Variants in CTNND2 observed in about 807,000 individuals in gnomAD.
The protein encoded by CTNND2 is catenin delta 2.
CTNND2 carries 22 observed loss-of-function variants against 144.4 expected under a neutral mutation model. The ratio of observed to expected loss-of-function variants is 0.15; its 90% CI spans 0.11 to 0.22. The LOEUF (loss-of-function observed/expected upper bound fraction) is 0.22. CTNND2 is among the 10% of genes least tolerant of loss of function. CTNND2 has a pLI of 1.00. For missense variants in CTNND2, 1,353 were observed against 1,618.8 expected, an observed-to-expected ratio of 0.84 and a Z score of 2.82; for synonymous variants, 751 against 695.6, an observed-to-expected ratio of 1.08 and a Z score of -1.25.
chr5:11,642,632 A>G (rs1214695366), intron 2 of CTNND2, among the ~76,000 whole-genome samples: 2 of 152,202 alleles, frequency 1.3e-5, no homozygotes, highest in Non-Finnish European at 2.9e-5. Flanking sequence ...GAAGCCCTCA[A>G]AGGAAGAAGC....
chr5:11,180,372 C>T (rs1760884480), intron 11 of CTNND2, among the ~76,000 whole-genome samples: 1 of 152,144 alleles, frequency 6.6e-6, no homozygotes, highest in African/African-American at 2.4e-5. Context: ...TTCTTTATAG[C>T]AGTGTGAAAA....
chr5:11,507,791 A>G (rs1439384839), intron 3 of CTNND2, among the ~76,000 whole-genome samples: 1 of 152,196 alleles, frequency 6.6e-6, no homozygotes, highest in Non-Finnish European at 1.5e-5. Context: ...TCACAGCACG[A>G]GCAGCCACAG....
At chr5:11,398,859 G>A (rs1466200995) in intron 5 of CTNND2, among the ~76,000 whole-genome samples, 3 of 152,096 alleles carry the variant, frequency 2.0e-5, no homozygotes, top group East Asian at 1.9e-4. Context: ...TGCCAGGAAC[G>A]TATTGTCCCT....
intron 9 of CTNND2, among the ~76,000 whole-genome samples, chr5:11,344,292 T>C (rs1014601917): frequency 1.3e-5 from 2 of 151,714 alleles, no homozygotes; most frequent in Non-Finnish European, 2.9e-5. Flanking sequence ...CTCGGGAGGC[T>C]GAGGCAGGAG....
chr5:11,142,247 A>G (rs1450352354), intron 12 of CTNND2, among the ~76,000 whole-genome samples: 2 of 152,258 alleles, frequency 1.3e-5, no homozygotes, highest in Non-Finnish European at 2.9e-5. Flanking sequence ...TGATGCCAAT[A>G]CTAATGTACT....
At chr5:11,099,775 G>C (rs1751698124) in intron 14 of CTNND2, among the ~76,000 whole-genome samples, 1 of 151,988 alleles carries the variant, frequency 6.6e-6, no homozygotes, top group East Asian at 1.9e-4. Context: ...AATAAAGTTA[G>C]AAATGAAAGA....
intron 16 of CTNND2, among the ~76,000 whole-genome samples, chr5:11,072,527 C>G (rs763055786): frequency 6.6e-6 from 1 of 152,178 alleles, no homozygotes; most frequent in East Asian, 1.9e-4. Flanking sequence ...TATATTGTTA[C>G]GAACTTTCTG....
intron 1 of CTNND2, among the ~76,000 whole-genome samples, chr5:11,799,645 C>T (rs1425461875): frequency 6.6e-6 from 1 of 152,106 alleles, no homozygotes; most frequent in Non-Finnish European, 1.5e-5. Context: ...AAATATCCCC[C>T]CCTTGCTCTG....
chr5:11,351,040 C>G (rs1219685780), intron 8 of CTNND2, among the ~76,000 whole-genome samples: 1 of 152,170 alleles, frequency 6.6e-6, no homozygotes, highest in Non-Finnish European at 1.5e-5. Context: ...CTGGCCCCAA[C>G]TATTTAGACA....
At chr5:11,841,064 T>G (rs1581984833) in intron 1 of CTNND2, among the ~76,000 whole-genome samples, 3 of 152,328 alleles carry the variant, frequency 2.0e-5, no homozygotes, top group African/African-American at 2.4e-5. Flanking sequence ...CTATTTTAGA[T>G]CTGAGACAAC....
At chr5:11,862,784 C>T (rs1317238635) in intron 1 of CTNND2, among the ~76,000 whole-genome samples, 1 of 152,170 alleles carries the variant, frequency 6.6e-6, no homozygotes, top group Admixed American at 6.5e-5. Flanking sequence ...CTGTTTTCAG[C>T]CTCCTGAGAG....
chr5:10,978,785 C>G (rs1035990429), intron 21 of CTNND2, among the ~76,000 whole-genome samples: 1 of 152,238 alleles, frequency 6.6e-6, no homozygotes, highest in Non-Finnish European at 1.5e-5. Context: ...TTCTGGAGAC[C>G]TCTGGGAGAA....
intron 9 of CTNND2, among the ~76,000 whole-genome samples, chr5:11,327,700 A>G (rs896750845): frequency 2.0e-5 from 3 of 152,306 alleles, no homozygotes; most frequent in African/African-American, 7.2e-5. Context: ...AACTTCTGCA[A>G]TAAACTAAAT....
At chr5:11,427,762 C>G (rs1341240888) in intron 3 of CTNND2, among the ~76,000 whole-genome samples, 2 of 152,148 alleles carry the variant, frequency 1.3e-5, no homozygotes, top group Non-Finnish European at 2.9e-5. Flanking sequence ...TCATTCCACC[C>G]CACTGCCCCT....
chr5:11,769,299 A>C (rs1789781897), intron 1 of CTNND2, among the ~76,000 whole-genome samples: 1 of 152,166 alleles, frequency 6.6e-6, no homozygotes. Context: ...GGTGATGCGC[A>C]CCAGGTCCCC....
intron 2 of CTNND2, among the ~76,000 whole-genome samples, chr5:11,708,869 C>G (rs1039393934): frequency 1.3e-5 from 2 of 152,186 alleles, no homozygotes; most frequent in African/African-American, 4.8e-5. Flanking sequence ...CTGATGGGAT[C>G]TGTCTATAGT....
At chr5:11,183,559 T>TG in intron 11 of CTNND2, among the ~76,000 whole-genome samples, 1 of 150,026 alleles carries the variant, frequency 6.7e-6, no homozygotes, top group Non-Finnish European at 1.5e-5. Context: ...CTTTTTTTTT[T>TG]GGTTTTTTTT....
intron 9 of CTNND2, among the ~76,000 whole-genome samples, chr5:11,257,575 A>G (rs561396896): frequency 2.0e-5 from 3 of 152,208 alleles, no homozygotes; most frequent in East Asian, 1.9e-4. Flanking sequence ...AGATCTCCTG[A>G]GAACTCACTC....
chr5:11,110,721 C>T, intron 14 of CTNND2, 137 bp downstream of exon 14: 1 of 794,900 alleles, frequency 1.3e-6, no homozygotes, highest in Admixed American at 2.5e-5. Flanking sequence ...GAAATTCCCA[C>T]AGGAAAATTG....
Sources: gnomAD v4.1 joint callset for allele counts (sites outside exome capture counted in the v4.1 genomes callset) on GRCh38, gnomAD v4.1.1 for gene constraint, MANE v1.5 for transcripts, NCBI Gene and HGNC (gene_info 2026-07-23, HGNC 2026-07-21) for gene names.